MCTP1: variants seen among roughly 807,000 people sequenced by gnomAD.
MCTP1 encodes multiple C2 and transmembrane domain-containing protein 1.
MCTP1 carries 69 observed loss-of-function variants against 120.6 expected under a neutral mutation model. The ratio of observed to expected loss-of-function variants is 0.57; its 90% CI spans 0.47 to 0.70. The LOEUF (loss-of-function observed/expected upper bound fraction) is 0.70, where lower values mean the gene tolerates loss of function less well. Among genes scored for constraint, MCTP1 ranks in the 30% least tolerant of loss-of-function variants. MCTP1 has a pLI of 0.00. For missense variants in MCTP1, 1,203 were observed against 1,248.8 expected, an observed-to-expected ratio of 0.96 and a Z score of 0.55; for synonymous variants, 529 against 493.1, an observed-to-expected ratio of 1.07 and a Z score of -0.96.
In MCTP1 at chr5:95,284,418, G is replaced by T. The variant is rs1434323624; in HGVS notation, c.158C>A (p.Thr53Asn). Reference sequence around the variant, plus strand: ...CGGGGGTGGCGGGGAGGGCGACGGGGTGTCCGCAGTGCGGCGCTCTGGACC... The same window carrying T: ...CGGGGGTGGCGGGGAGGGCGACGGGTTGTCCGCAGTGCGGCGCTCTGGACC... Reference protein sequence around the residue: ...AGGPERRTADTPSPSPPPPVG... With the variant: ...AGGPERRTADNPSPSPPPPVG... The change falls in exon 1 of 23, where the codon ACC becomes AAC. Residue 53 changes from threonine (T) to asparagine (N), a missense_variant. Coordinates refer to ENST00000515393, the MANE Select transcript of MCTP1 (RefSeq NM_024717.7). The surrounding 1 kb of genome is among the most constrained non-coding windows in gnomAD (Gnocchi z 5.2). 10 of 1,570,600 alleles carry T rather than the reference G, an allele frequency of 6.4e-6. No homozygotes were observed. Among genetic ancestry groups the T allele is most frequent in the Non-Finnish European group, 7.7e-6 (9 of 1,166,758 alleles).
intron 2 of MCTP1, among the ~76,000 whole-genome samples, chr5:95,013,547 A>G (rs961691602): frequency 6.6e-6 from 1 of 152,136 alleles, no homozygotes; most frequent in Non-Finnish European, 1.5e-5. Context: ...TGAAAATCCT[A>G]GGGCCCTTAA....
intron 1 of MCTP1, among the ~76,000 whole-genome samples, chr5:95,077,257 C>T (rs1484232595): frequency 6.6e-6 from 1 of 152,098 alleles, no homozygotes; most frequent in Non-Finnish European, 1.5e-5. Context: ...TCTTCTGCAT[C>T]TTGGTTATTT....
intron 2 of MCTP1, among the ~76,000 whole-genome samples, chr5:94,998,952 C>T (rs911702588): frequency 2.1e-4 from 32 of 152,148 alleles, no homozygotes; most frequent in Non-Finnish European, 4.1e-4. Flanking sequence ...GTTTGCTTTC[C>T]GTTTCCCTGG....
rs552680017 is a variant in MCTP1 at position 95,178,208 on chromosome 5, G to C, written c.720+105648C>G. 2.8e-3 allele frequency among the ~76,000 whole-genome samples: 420 copies of C among 152,322 alleles called. 2 individuals are homozygous for C. The highest frequency in any genetic ancestry group is 9.6e-3 in the African/African-American group (399 of 41,574). On this transcript the variant is annotated intron_variant, in intron 1 of 22. Coordinates refer to ENST00000515393, the MANE Select transcript of MCTP1 (RefSeq NM_024717.7). ...AGCTGCAGCAAGGCCCACCCAAGGA[G>C]ACTCTGAGATCAGACAGGCCTATCC...
intron 17 of MCTP1, among the ~76,000 whole-genome samples, chr5:94,800,033 T>G (rs1297139504): frequency 6.6e-6 from 1 of 152,192 alleles, no homozygotes; most frequent in Non-Finnish European, 1.5e-5. Context: ...ATTCCACTCC[T>G]GACTCTAATG....
At chr5:95,234,179 A>G (rs1755282000) in intron 1 of MCTP1, among the ~76,000 whole-genome samples, 1 of 152,214 alleles carries the variant, frequency 6.6e-6, no homozygotes, top group Admixed American at 6.5e-5. Context: ...GGGTGATTCA[A>G]TAACGAGAGA....
intron 18 of MCTP1, among the ~76,000 whole-genome samples, chr5:94,780,947 A>T (rs1313205302): frequency 6.6e-6 from 1 of 152,160 alleles, no homozygotes; most frequent in Non-Finnish European, 1.5e-5. Context: ...GACAATATAT[A>T]GTTGAAGTGA....
At chr5:94,936,732 A>G (rs1816296965) in intron 5 of MCTP1, among the ~76,000 whole-genome samples, 1 of 152,106 alleles carries the variant, frequency 6.6e-6, no homozygotes, top group Admixed American at 6.6e-5. Context: ...ATAGAACTGC[A>G]ATGTAGGACA....
chr5:94,854,470 G>T (rs974860411), intron 17 of MCTP1, among the ~76,000 whole-genome samples: 4 of 151,854 alleles, frequency 2.6e-5, no homozygotes, highest in African/African-American at 7.3e-5. Flanking sequence ...TAGAAAATGT[G>T]CTAATTGACT....
intron 1 of MCTP1, among the ~76,000 whole-genome samples, chr5:95,138,817 C>T (rs1045964182): frequency 6.6e-6 from 1 of 152,172 alleles, no homozygotes; most frequent in Non-Finnish European, 1.5e-5. Flanking sequence ...CAAAGTACAC[C>T]CTGCCCGTTA....
rs145748185 is a variant in MCTP1, at chr5:94,861,527, G to C, written c.2436+6806C>G. 3.4e-3 allele frequency among the ~76,000 whole-genome samples: 515 copies of C among 151,906 alleles called. 3 individuals are homozygous for C. Among genetic ancestry groups the C allele is most frequent in the African/African-American group, 0.011 (453 of 41,502 alleles). Reference sequence around the variant, plus strand: ...TGTTATAATTTACAACCCTTCAGAAGAGTTATTATTCCTACTTTACAACAT... The same window carrying C: ...TGTTATAATTTACAACCCTTCAGAACAGTTATTATTCCTACTTTACAACAT... On this transcript the variant is annotated intron_variant, in intron 17 of 22. Transcript: ENST00000515393.
intron 19 of MCTP1, among the ~76,000 whole-genome samples, chr5:94,756,143 A>T (rs1769794841): frequency 6.6e-6 from 1 of 152,202 alleles, no homozygotes; most frequent in Non-Finnish European, 1.5e-5. Context: ...CTAAATATAC[A>T]GTCATTTAAT....
At chr5:95,213,213 C>T (rs1303916700) in intron 1 of MCTP1, among the ~76,000 whole-genome samples, 1 of 152,082 alleles carries the variant, frequency 6.6e-6, no homozygotes, top group Admixed American at 6.6e-5. Context: ...TTGTTATACA[C>T]CAGTAACAGA....
At chr5:94,825,160 T>C (rs1349577836) in intron 17 of MCTP1, among the ~76,000 whole-genome samples, 1 of 152,220 alleles carries the variant, frequency 6.6e-6, no homozygotes, top group East Asian at 1.9e-4. Context: ...TTTCCCATTT[T>C]CTCCTGTGGG....
intron 17 of MCTP1, among the ~76,000 whole-genome samples, chr5:94,864,159 C>A (rs776236869): frequency 2.0e-5 from 3 of 151,850 alleles, no homozygotes; most frequent in Non-Finnish European, 4.4e-5. Flanking sequence ...CAGTAGGAAA[C>A]CTGCCTCGTA....
rs113298408 is a variant in MCTP1, at chr5:94,755,071, G to A, written c.2610+24039C>T. ...GGCATTTGTCCATTTGGCTCATGCT[G>A]ACTGGCTGTCACAGTCCTCCCAGTC... On this transcript the variant is annotated intron_variant, in intron 19 of 22. Coordinates refer to ENST00000515393, the MANE Select transcript of MCTP1 (RefSeq NM_024717.7). Among the ~76,000 whole-genome samples the A allele has an allele frequency of 2.2e-3, 330 of 152,268 alleles. 2 individuals carry two copies. Among genetic ancestry groups the A allele is most frequent in the African/African-American group, 7.7e-3 (318 of 41,564 alleles).
At chr5:95,256,838 A>G (rs1158518659) in intron 1 of MCTP1, among the ~76,000 whole-genome samples, 1 of 152,170 alleles carries the variant, frequency 6.6e-6, no homozygotes, top group Non-Finnish European at 1.5e-5. Context: ...GCACATTTAC[A>G]TGTTGACTTT....
intron 17 of MCTP1, among the ~76,000 whole-genome samples, chr5:94,809,912 G>C (rs567397406): frequency 6.6e-6 from 1 of 151,980 alleles, no homozygotes; most frequent in Non-Finnish European, 1.5e-5. Context: ...TCTCACTAAT[G>C]CTAGGTAACT....
At chr5:94,790,331 A>C (rs1328875368) in intron 18 of MCTP1, among the ~76,000 whole-genome samples, 1 of 152,258 alleles carries the variant, frequency 6.6e-6, no homozygotes, top group East Asian at 1.9e-4. Flanking sequence ...CAGGGAGCTC[A>C]ACCAGTGGGT....
Sources: gnomAD v4.1 joint callset for allele counts (sites outside exome capture counted in the v4.1 genomes callset) on GRCh38, gnomAD v4.1.1 for gene constraint, Gnocchi (gnomAD v3.1) non-coding constraint, MANE v1.5 for transcripts, NCBI Gene and HGNC (gene_info 2026-07-23, HGNC 2026-07-21) for gene names.